Variants in ABI3 observed in about 807,000 individuals in gnomAD.
The protein encoded by ABI3 is ABI family member 3.
Under a neutral mutation model 37.0 loss-of-function variants are expected in ABI3, and 24 were observed. The ratio of observed to expected loss-of-function variants is 0.65; its 90% CI spans 0.47 to 0.91. The LOEUF (loss-of-function observed/expected upper bound fraction) is 0.91. Ranked by LOEUF, ABI3 falls within the 40% of genes least tolerant of loss-of-function variation. The probability of loss-of-function intolerance (pLI) is 0.00; values close to 1 mark genes in which losing one functional copy is unlikely to be tolerated. For synonymous variants in ABI3, 220 were observed against 211.8 expected, an observed-to-expected ratio of 1.04 and a Z score of -0.34; for missense variants, 481 against 485.1, an observed-to-expected ratio of 0.99 and a Z score of 0.08.
intron 3 of ABI3, among the ~76,000 whole-genome samples, chr17:49,218,511 T>A (rs2043245031): frequency 6.6e-6 from 1 of 152,104 alleles, no homozygotes; most frequent in South Asian, 2.1e-4. Context: ...CCCCTTGATA[T>A]CCTTAACTTA....
At chr17:49,218,096 C>G (rs1398870770) in intron 3 of ABI3, among the ~76,000 whole-genome samples, 181 bp downstream of exon 3, 1 of 152,242 alleles carries the variant, frequency 6.6e-6, no homozygotes, top group Non-Finnish European at 1.5e-5. Flanking sequence ...ATCCCTCCCT[C>G]CAAAACTGGT....
At chr17:49,214,735 T>G (rs2143517769) in intron 1 of ABI3, among the ~76,000 whole-genome samples, 1 of 152,280 alleles carries the variant, frequency 6.6e-6, no homozygotes, top group Admixed American at 6.5e-5. Flanking sequence ...AAAAACTTCT[T>G]GCCTTCAGCC....
intron 1 of ABI3, among the ~76,000 whole-genome samples, chr17:49,214,710 C>T (rs188302059): frequency 1.3e-5 from 2 of 152,228 alleles, no homozygotes; most frequent in Admixed American, 6.5e-5. Context: ...AACTCTGTCT[C>T]GAAAAACAAA....
rs1208184970 is a variant in ABI3 at position 49,220,245 on chromosome 17, T to C, written c.721T>C (p.Leu241=). Residue 241 remains leucine (L), a synonymous_variant, in exon 6 of 8, where the codon TTG becomes CTG. Coordinates refer to ENST00000225941, the MANE Select transcript of ABI3 (RefSeq NM_016428.3). Reference sequence around the variant, plus strand: ...TCCAGCCCCACCTCTCCCCAGCTCCTTGGACCCACCTCCTCCACCAGCAGC... The same window carrying C: ...TCCAGCCCCACCTCTCCCCAGCTCCCTGGACCCACCTCCTCCACCAGCAGC... ...APPAPPLPSS[L]DPPPPPAAVE... The C allele has an allele frequency of 1.2e-6, 2 of 1,611,028 alleles. No homozygotes were observed. Among genetic ancestry groups the C allele is most frequent in the East Asian group, 4.5e-5 (2 of 44,824 alleles).
At chr17:49,217,615 G>A in intron 2 of ABI3, 124 bp from the exon 3 acceptor site, 1 of 812,754 alleles carries the variant, frequency 1.2e-6, no homozygotes, top group Non-Finnish European at 1.8e-6. Flanking sequence ...CGGGGGGCAG[G>A]GCCCTCTTTT....
intron 1 of ABI3, among the ~76,000 whole-genome samples, chr17:49,214,015 A>G (rs2043196432): frequency 6.6e-6 from 1 of 152,196 alleles, no homozygotes; most frequent in African/African-American, 2.4e-5. Flanking sequence ...TGAGATGTAA[A>G]TGACATGCAA....
intron 7 of ABI3, 101 bp downstream of exon 7, chr17:49,222,326 C>A (rs747946136): frequency 1.4e-6 from 2 of 1,472,894 alleles, no homozygotes; most frequent in African/African-American, 1.4e-5. Flanking sequence ...ATCCCCCGGG[C>A]CCCCCACACA....
intron 2 of ABI3, among the ~76,000 whole-genome samples, chr17:49,217,252 G>T (rs935359756): frequency 6.6e-6 from 1 of 152,122 alleles, no homozygotes. Context: ...AGTGGGTGGG[G>T]TGTGTCTTTT....
In ABI3 at chr17:49,210,757, G is replaced by C. The variant is rs2043156589; in HGVS notation, c.33G>C (p.Glu11Asp). 2 of 1,556,278 alleles carry C rather than the reference G, an allele frequency of 1.3e-6. No individual in the cohort carries two copies. Among genetic ancestry groups the C allele is most frequent in the Middle Eastern group, 3.3e-4 (2 of 5,986 alleles). The change falls in exon 1 of 8, where the codon GAG becomes GAC. Residue 11 changes from glutamate (E) to aspartate (D), a missense_variant. By Grantham distance (45) the Glu-to-Asp change is conservative (BLOSUM62 2). Coordinates refer to ENST00000225941, the MANE Select transcript of ABI3 (RefSeq NM_016428.3). The surrounding 1 kb of genome is among the most constrained non-coding windows in gnomAD (Gnocchi z 4.2). Reference sequence around the variant, plus strand: ...AGCTACAGCAGCTGCAGGAGTTTGAGATCCCCACTGGCCGGGAGGCTCTGA... The same window carrying C: ...AGCTACAGCAGCTGCAGGAGTTTGACATCCCCACTGGCCGGGAGGCTCTGA... MAELQQLQEF[E>D]IPTGREALRG...
chr17:49,218,534 A>T (rs1206601741), intron 3 of ABI3, among the ~76,000 whole-genome samples: 3 of 152,030 alleles, frequency 2.0e-5, no homozygotes, highest in African/African-American at 7.3e-5. Context: ...AGCCCCCCTT[A>T]AAGGGGAAAC....
chr17:49,216,683 A>G lies in ABI3; in HGVS notation c.270A>G (p.Val90=). The G allele has an allele frequency of 6.3e-7, 1 of 1,581,450 alleles. No homozygotes were observed. The highest frequency in any genetic ancestry group is 8.6e-7 in the Non-Finnish European group (1 of 1,163,346). ...CCCTGCGGCAGGTGGAAGCCCGTGTAAGCACGCTGGGCCAGGTAAGGGGCG... is the reference window on the plus strand; with the variant it reads ...CCCTGCGGCAGGTGGAAGCCCGTGTGAGCACGCTGGGCCAGGTAAGGGGCG... ...GAALRQVEAR[V]STLGQMVNMH... Residue 90 remains valine (V), a synonymous_variant, in exon 2 of 8, where the codon GTA becomes GTG. Coordinates refer to ENST00000225941, the MANE Select transcript of ABI3 (RefSeq NM_016428.3).
chr17:49,220,566 C>T (rs1225207096), intron 6 of ABI3, among the ~76,000 whole-genome samples: 1 of 152,194 alleles, frequency 6.6e-6, no homozygotes, highest in African/African-American at 2.4e-5. Context: ...TAATCCTGGC[C>T]GGGCGCGGTG....
chr17:49,215,745 G>A (rs956933064), intron 1 of ABI3, among the ~76,000 whole-genome samples: 1 of 151,464 alleles, frequency 6.6e-6, no homozygotes. Flanking sequence ...TGATTTGCCC[G>A]CCTGGGCCTC....
At position 49,210,827 on chromosome 17, in the gene ABI3, G is replaced by A. The variant is rs2043158004; in HGVS notation, c.103G>A (p.Asp35Asn). The A allele has an allele frequency of 6.4e-7, 1 of 1,555,942 alleles. No homozygotes were observed. Among genetic ancestry groups the A allele is most frequent in the Middle Eastern group, 1.7e-4 (1 of 5,972 alleles). ...ALLRVADYCE[D>N]NYVQATDKRK... ...GCTGCGGGTCGCTGACTACTGCGAG[G>A]ACAACTATGTGCAGGTAGGTAGAGC... The change falls in exon 1 of 8, where the codon GAC (aspartate) becomes AAC (asparagine). Residue 35 changes from aspartate (D) to asparagine (N), a missense_variant. Physicochemically the swap from Asp to Asn is conservative, Grantham distance 23. Coordinates refer to ENST00000225941, the MANE Select transcript of ABI3 (RefSeq NM_016428.3). This position sits in a 1 kb window ranked among gnomAD's most constrained non-coding sequence, Gnocchi z 4.2.
chr17:49,221,973 C>T (rs1484518953), intron 6 of ABI3, 118 bp from the exon 7 acceptor site: 17 of 1,362,350 alleles, frequency 1.2e-5, no homozygotes, highest in Non-Finnish European at 1.5e-5. Context: ...CCCGCCTTGG[C>T]CTCCCAACGT....
Position 49,222,686 on chromosome 17 carries a change from C to T in ABI3, c.1072C>T (p.Pro358Ser). The change falls in exon 8 of 8, where the codon CCT (proline) becomes TCT (serine). Residue 358 changes from proline (P) to serine (S), a missense_variant. By Grantham distance (74) the Pro-to-Ser change is moderately conservative. Coordinates refer to ENST00000225941, the MANE Select transcript of ABI3 (RefSeq NM_016428.3). Reference sequence around the variant, plus strand: ...CAGCTCAGAGGGGACTGGATTCTTCCCTGGGAACTATGTGGAGCCCAGCTG... The same window carrying T: ...CAGCTCAGAGGGGACTGGATTCTTCTCTGGGAACTATGTGGAGCCCAGCTG... Reference protein sequence around the residue: ...GVSSEGTGFFPGNYVEPSC With the variant: ...GVSSEGTGFFSGNYVEPSC 6.3e-7 allele frequency: 1 copy of T among 1,590,770 alleles called. No individual in the cohort carries two copies. The highest frequency in any genetic ancestry group is 8.6e-7 in the Non-Finnish European group (1 of 1,168,638).
chr17:49,219,262 G>A lies in ABI3; in HGVS notation c.463-278G>A, dbSNP rs2043253433. The stretch of plus-strand genomic sequence containing the variant: ...GCTTCCTGGGCTCTGAGATGGTCTG[G>A]GGGAGGGACAGGGGTGCTGGGCCCA... On this transcript the variant is annotated intron_variant, in intron 3 of 7. Transcript: ENST00000225941. The surrounding 1 kb of genome is among the most constrained non-coding windows in gnomAD (Gnocchi z 4.3). Among the ~76,000 whole-genome samples the A allele has an allele frequency of 6.6e-6, 1 of 152,146 alleles. No homozygotes were observed. The highest frequency in any genetic ancestry group is 2.4e-5 in the African/African-American group (1 of 41,424).
intron 1 of ABI3, 79 bp from the exon 2 acceptor site, chr17:49,216,452 T>G: frequency 1.5e-6 from 2 of 1,337,646 alleles, no homozygotes; most frequent in African/African-American, 3.0e-5. Flanking sequence ...TTTCCCTATA[T>G]CCTCTCCCAT....
At chr17:49,218,609 T>TTC (rs72337362) in intron 3 of ABI3, among the ~76,000 whole-genome samples, 51 of 90,052 alleles carry the variant, frequency 5.7e-4, no homozygotes, top group African/African-American at 2.3e-3. Context: ...CCAACTTATA[T>TTC]TTTTTTTTTT....
Sources: gnomAD v4.1 joint callset for allele counts (sites outside exome capture counted in the v4.1 genomes callset) on GRCh38, gnomAD v4.1.1 for gene constraint, Gnocchi (gnomAD v3.1) non-coding constraint, MANE v1.5 for transcripts, NCBI Gene and HGNC (gene_info 2026-07-23, HGNC 2026-07-21) for gene names.